The following PDLIM5 variants were observed in gnomAD, a reference collection of about 807,000 sequenced individuals.
The protein encoded by PDLIM5 is PDZ and LIM domain protein 5.
In PDLIM5, 34 loss-of-function variants were observed where a neutral mutation model predicts 64.2. The observed-to-expected ratio is 0.53, with a 90% CI of 0.40 to 0.71. PDLIM5 has a LOEUF of 0.71. Among genes scored for constraint, PDLIM5 ranks in the 30% least tolerant of loss-of-function variants. The probability of loss-of-function intolerance (pLI) is 0.00; values close to 1 mark genes in which losing one functional copy is unlikely to be tolerated. For synonymous variants in PDLIM5, 253 were observed against 269.1 expected (o/e 0.94, Z 0.59); for missense variants, 683 against 733.6 (o/e 0.93, Z 0.80).
chr4:94,650,084 TGAA>T (rs146022631), intron 9 of PDLIM5, among the ~76,000 whole-genome samples: 3,770 of 152,318 alleles, frequency 0.025, 154 homozygotes, highest in East Asian at 0.15. Flanking sequence ...CCACTGGAAA[TGAA>T]GAATTAAGAG....
Position 94,585,601 on chromosome 4 carries a change from G to A in PDLIM5, c.747G>A (p.Glu249=). 1 of 1,612,508 alleles carries A rather than the reference G, an allele frequency of 6.2e-7. No homozygotes were observed. The highest frequency in any genetic ancestry group is 8.5e-7 in the Non-Finnish European group (1 of 1,179,610). ...AACACATTGTGGAGCGCTATACAGA[G>A]TTTTATCATGTACCCACTCACAGTG... is the stretch of plus-strand genomic sequence containing the variant. The part of the protein sequence containing the change: ...PRKHIVERYT[E]FYHVPTHSDA... The change falls in exon 6 of 13, where the codon GAG becomes GAA. Residue 249 remains glutamate, a synonymous_variant. Coordinates refer to ENST00000317968, the MANE Select transcript of PDLIM5 (RefSeq NM_006457.5).
intron 3 of PDLIM5, among the ~76,000 whole-genome samples, chr4:94,567,240 A>C (rs958414207): frequency 6.6e-6 from 1 of 152,132 alleles, no homozygotes; most frequent in Non-Finnish European, 1.5e-5. Context: ...TGATCTGCCC[A>C]CCTTGGCCTC....
chr4:94,470,462 C>G (rs994153585), intron 2 of PDLIM5, among the ~76,000 whole-genome samples: 1 of 152,094 alleles, frequency 6.6e-6, no homozygotes, highest in Admixed American at 6.6e-5. Flanking sequence ...GATGTTTATT[C>G]TAGGTCAGAT....
chr4:94,661,755 G>A (rs1384635048), intron 11 of PDLIM5, among the ~76,000 whole-genome samples: 1 of 151,472 alleles, frequency 6.6e-6, no homozygotes, highest in Non-Finnish European at 1.5e-5. Flanking sequence ...ATTGTTGCTA[G>A]TTATTAGAAG....
intron 7 of PDLIM5, among the ~76,000 whole-genome samples, chr4:94,589,019 G>GCTGA (rs1736467554): frequency 6.6e-6 from 1 of 152,126 alleles, no homozygotes; most frequent in African/African-American, 2.4e-5. Context: ...TTTTTATGAT[G>GCTGA]CTGACATCAA....
At chr4:94,635,225 A>T (rs1041598260) in intron 8 of PDLIM5, among the ~76,000 whole-genome samples, 5 of 152,166 alleles carry the variant, frequency 3.3e-5, no homozygotes, top group African/African-American at 1.2e-4. Context: ...AAAAAAAAGT[A>T]ATTTTCAAAC....
At chr4:94,487,231 A>G (rs1232042527) in intron 2 of PDLIM5, among the ~76,000 whole-genome samples, 1 of 152,166 alleles carries the variant, frequency 6.6e-6, no homozygotes, top group Non-Finnish European at 1.5e-5. Flanking sequence ...ATTTTGTTAC[A>G]TTATCTCATA....
chr4:94,509,776 T>G lies in PDLIM5; in HGVS notation c.97-13948T>G, dbSNP rs188889328. Among the ~76,000 whole-genome samples, 5 of 152,310 alleles carry G rather than the reference T, an allele frequency of 3.3e-5. No homozygotes were observed. In the East Asian group the frequency reaches 9.6e-4, roughly 29 times the overall value. On this transcript the variant is annotated intron_variant, in intron 2 of 12. Coordinates refer to ENST00000317968, the MANE Select transcript of PDLIM5 (RefSeq NM_006457.5). ...GGGAGAAAGATGTAGGCTGGGAGGCTAGGCCAGTCTCTCTTTTCACATTTT... is the reference window on the plus strand; with the variant it reads ...GGGAGAAAGATGTAGGCTGGGAGGCGAGGCCAGTCTCTCTTTTCACATTTT...
chr4:94,462,763 C>T (rs893720031), intron 2 of PDLIM5, among the ~76,000 whole-genome samples: 4 of 152,130 alleles, frequency 2.6e-5, no homozygotes, highest in African/African-American at 4.8e-5. Context: ...CACTCCTGCT[C>T]ATAATATGAG....
At chr4:94,633,620 T>C (rs1190009875) in intron 8 of PDLIM5, among the ~76,000 whole-genome samples, 1 of 152,076 alleles carries the variant, frequency 6.6e-6, no homozygotes, top group East Asian at 1.9e-4. Context: ...GGTGCAGGAG[T>C]CATTTTTTCT....
At chr4:94,563,238 T>C (rs759600315) in intron 3 of PDLIM5, among the ~76,000 whole-genome samples, 1 of 152,184 alleles carries the variant, frequency 6.6e-6, no homozygotes, top group African/African-American at 2.4e-5. Flanking sequence ...TAATATGAGA[T>C]TTAGTGATAA....
Position 94,523,883 on chromosome 4 carries a change from G to C in PDLIM5, c.248+8G>C, listed in dbSNP as rs767465179. On this transcript the variant is annotated splice_region_variant and intron_variant, in intron 3 of 12. Coordinates refer to ENST00000317968, the MANE Select transcript of PDLIM5 (RefSeq NM_006457.5). Reference sequence around the variant, plus strand: ...GAATATGACTCTGCAAAGGTAAGTTGCTTTTTGTTTGTCCCTGAAAGAGAA... The same window carrying C: ...GAATATGACTCTGCAAAGGTAAGTTCCTTTTTGTTTGTCCCTGAAAGAGAA... 14 of 1,606,550 alleles carry C rather than the reference G, an allele frequency of 8.7e-6. No individual in the cohort carries two copies. The Admixed American group carries it at 2.4e-4, about 27-fold the overall frequency.
intron 3 of PDLIM5, among the ~76,000 whole-genome samples, chr4:94,527,177 C>T (rs1328339658): frequency 1.9e-4 from 29 of 150,724 alleles, no homozygotes; most frequent in Admixed American, 1.7e-3. Flanking sequence ...CTGCCTCAGC[C>T]TCCCAAGTAG....
chr4:94,659,999 C>T (rs902179552), intron 11 of PDLIM5, among the ~76,000 whole-genome samples: 1 of 151,196 alleles, frequency 6.6e-6, no homozygotes. Context: ...CGGGTTCAGG[C>T]GATTCTTCTG....
chr4:94,510,379 C>A (rs2110102773), intron 2 of PDLIM5, among the ~76,000 whole-genome samples: 2 of 152,134 alleles, frequency 1.3e-5, no homozygotes, highest in South Asian at 4.2e-4. Context: ...CAAATAAATT[C>A]TTTGATGACA....
chr4:94,599,974 T>C (rs1480214363), intron 7 of PDLIM5, among the ~76,000 whole-genome samples: 1 of 152,092 alleles, frequency 6.6e-6, no homozygotes, highest in Non-Finnish European at 1.5e-5. Flanking sequence ...CTGTGATAGA[T>C]GGTGAAGTGA....
chr4:94,563,937 C>CTTTTTTTT (rs1295763694), intron 3 of PDLIM5, among the ~76,000 whole-genome samples: 1 of 97,268 alleles, frequency 1.0e-5, no homozygotes, highest in African/African-American at 3.8e-5. Flanking sequence ...AGCAATTTTT[C>CTTTTTTTT]TTTTTTTTTT....
chr4:94,636,931 C>T (rs77992020), intron 8 of PDLIM5, among the ~76,000 whole-genome samples: 4,014 of 152,156 alleles, frequency 0.026, 165 homozygotes, highest in East Asian at 0.15. Flanking sequence ...AGGAGTGTTA[C>T]TTCTAGCTGG....
intron 8 of PDLIM5, among the ~76,000 whole-genome samples, chr4:94,639,702 G>T (rs1304066821): frequency 1.3e-5 from 2 of 152,174 alleles, no homozygotes; most frequent in Non-Finnish European, 2.9e-5. Context: ...ACTATATTTG[G>T]AATTAAATCT....
Sources: gnomAD v4.1 joint callset for allele counts (sites outside exome capture counted in the v4.1 genomes callset) on GRCh38, gnomAD v4.1.1 for gene constraint, MANE v1.5 for transcripts, NCBI Gene and HGNC (gene_info 2026-07-23, HGNC 2026-07-21) for gene names.